PTPRD: variants seen among roughly 807,000 people sequenced by gnomAD.
PTPRD encodes the protein protein tyrosine phosphatase receptor type D, also known as receptor-type tyrosine-protein phosphatase delta.
PTPRD carries 34 observed loss-of-function variants against 214.5 expected under a neutral mutation model. That is an observed-to-expected ratio of 0.16 (90% CI 0.12 to 0.21). The LOEUF (loss-of-function observed/expected upper bound fraction) is 0.21. Ranked by LOEUF, PTPRD falls within the 10% of genes least tolerant of loss-of-function variation. The pLI is 1.00. For missense variants in PTPRD, 2,545 were observed against 2,398.7 expected, an observed-to-expected ratio of 1.06 and a Z score of -1.27; for synonymous variants, 1,128 against 845.7, an observed-to-expected ratio of 1.33 and a Z score of -5.79.
At chr9:10,547,310 GT>G (rs887500584) in intron 2 of PTPRD, among the ~76,000 whole-genome samples, 13 of 148,042 alleles carry the variant, frequency 8.8e-5, no homozygotes, top group African/African-American at 1.5e-4. Context: ...CTTACCAAGG[GT>G]TTTTTTTTTC....
intron 11 of PTPRD, among the ~76,000 whole-genome samples, chr9:8,932,234 C>T (rs923946772): frequency 2.0e-5 from 3 of 152,090 alleles, no homozygotes; most frequent in African/African-American, 7.2e-5. Flanking sequence ...CTCTCTAGTT[C>T]TTTTAATTGT....
chr9:9,636,418 C>T (rs922834529), intron 7 of PTPRD, among the ~76,000 whole-genome samples: 7 of 152,098 alleles, frequency 4.6e-5, no homozygotes, highest in African/African-American at 1.7e-4. Flanking sequence ...ATAGGAATTC[C>T]TTCACCTTTC....
intron 8 of PTPRD, among the ~76,000 whole-genome samples, chr9:9,450,316 A>G (rs2091788271): frequency 6.6e-6 from 1 of 151,870 alleles, no homozygotes; most frequent in Admixed American, 6.6e-5. Flanking sequence ...TGGTAGTTCT[A>G]CTTTTATTTC....
intron 3 of PTPRD, among the ~76,000 whole-genome samples, chr9:10,276,997 T>C (rs906592650): frequency 5.3e-5 from 8 of 152,274 alleles, no homozygotes; most frequent in African/African-American, 1.9e-4. Context: ...CCTCATGGCA[T>C]GTCCAAAGGC....
chr9:9,207,817 A>G (rs1215100140), intron 9 of PTPRD, among the ~76,000 whole-genome samples: 1 of 151,980 alleles, frequency 6.6e-6, no homozygotes, highest in East Asian at 1.9e-4. Flanking sequence ...ATTTCCATCA[A>G]TGGCAGGTTG....
intron 4 of PTPRD, among the ~76,000 whole-genome samples, chr9:9,985,632 G>C (rs2095683798): frequency 6.6e-6 from 1 of 151,918 alleles, no homozygotes; most frequent in Non-Finnish European, 1.5e-5. Flanking sequence ...TATTGTATTG[G>C]AGATTCTATA....
At chr9:8,503,143 G>A (rs2097451637) in intron 23 of PTPRD, among the ~76,000 whole-genome samples, 2 of 151,946 alleles carry the variant, frequency 1.3e-5, no homozygotes, top group Admixed American at 1.3e-4. Context: ...ATGCTTTAAA[G>A]AGGGAAAAAC....
intron 7 of PTPRD, among the ~76,000 whole-genome samples, chr9:9,720,748 C>T (rs1221719003): frequency 6.6e-6 from 1 of 152,028 alleles, no homozygotes; most frequent in Admixed American, 6.6e-5. Flanking sequence ...AACCTAAATG[C>T]CCATCAATGA....
At position 8,376,612 on chromosome 9, in the gene PTPRD, A is replaced by G; in HGVS notation, c.4501T>C (p.Tyr1501His). The change falls in exon 38 of 46, where the codon TAC becomes CAC. Residue 1501 changes from tyrosine (Y) to histidine (H), a missense_variant. Tyr to His is a moderately conservative substitution (Grantham distance 83). Transcript: ENST00000381196. ...GAAAAAGATGAAAAGCAAACCTTGTAAAGTGCAAATGTTCGAACACAATAT... is the reference window on the plus strand; with the variant it reads ...GAAAAAGATGAAAAGCAAACCTTGTGAAGTGCAAATGTTCGAACACAATAT... ...ATYCVRTFAL[Y>H]KNGSSEKREV... 1 of 1,612,858 alleles carries G rather than the reference A, an allele frequency of 6.2e-7. No individual in the cohort carries two copies. The highest frequency in any genetic ancestry group is 8.5e-7 in the Non-Finnish European group (1 of 1,179,154).
chr9:9,816,714 C>T (rs2048890359), intron 5 of PTPRD, among the ~76,000 whole-genome samples: 1 of 151,902 alleles, frequency 6.6e-6, no homozygotes, highest in African/African-American at 2.4e-5. Flanking sequence ...ATGCCTTACC[C>T]CAAAATATCA....
chr9:9,320,091 A>C (rs1437169489), intron 9 of PTPRD, among the ~76,000 whole-genome samples: 1 of 152,166 alleles, frequency 6.6e-6, no homozygotes, highest in Non-Finnish European at 1.5e-5. Context: ...ATAATGTTTT[A>C]TTTGAAACAG....
chr9:10,340,403 T>C (rs1442431023), intron 3 of PTPRD, among the ~76,000 whole-genome samples: 4 of 151,898 alleles, frequency 2.6e-5, no homozygotes, highest in Non-Finnish European at 5.9e-5. Context: ...ATGCACTGTA[T>C]CACACAGCTG....
chr9:10,227,467 G>A (rs1479568268), intron 3 of PTPRD, among the ~76,000 whole-genome samples: 1 of 151,724 alleles, frequency 6.6e-6, no homozygotes, highest in African/African-American at 2.4e-5. Flanking sequence ...ACTCTTTCGC[G>A]TGAAAACTTT....
At chr9:10,224,281 CAAAT>C (rs142376069) in intron 3 of PTPRD, among the ~76,000 whole-genome samples, 2,105 of 151,896 alleles carry the variant, frequency 0.014, 46 homozygotes, top group African/African-American at 0.048. Context: ...GCAGATTAGT[CAAAT>C]AAAGAGTTTA....
chr9:8,922,885 G>A (rs71507667), intron 11 of PTPRD, among the ~76,000 whole-genome samples: 15,764 of 150,016 alleles, frequency 0.11, 1,045 homozygotes, highest in South Asian at 0.18. Flanking sequence ...GGATGGTCTC[G>A]ATCTCCTGAC....
chr9:9,842,223 T>TG, intron 5 of PTPRD, among the ~76,000 whole-genome samples: 1 of 151,824 alleles, frequency 6.6e-6, no homozygotes, highest in East Asian at 1.9e-4. Context: ...AACACACTTA[T>TG]GGTTGTCTTT....
intron 10 of PTPRD, among the ~76,000 whole-genome samples, chr9:9,058,785 A>G (rs1028656421): frequency 1.3e-5 from 2 of 151,992 alleles, no homozygotes; most frequent in African/African-American, 4.8e-5. Context: ...AGAAAATCTT[A>G]AAGTTAGAGA....
intron 9 of PTPRD, among the ~76,000 whole-genome samples, chr9:9,298,258 TA>T (rs1953885241): frequency 1.3e-5 from 2 of 151,676 alleles, no homozygotes; most frequent in Admixed American, 6.6e-5. Context: ...TTTTATCTTT[TA>T]TTTTTTTTGG....
chr9:8,489,686 T>A (rs971316416), intron 27 of PTPRD, among the ~76,000 whole-genome samples: 1 of 152,050 alleles, frequency 6.6e-6, no homozygotes, highest in African/African-American at 2.4e-5. Flanking sequence ...TTTGGGACAG[T>A]TGTGGTATTT....
Sources: gnomAD v4.1 joint callset for allele counts (sites outside exome capture counted in the v4.1 genomes callset) on GRCh38, gnomAD v4.1.1 for gene constraint, MANE v1.5 for transcripts, NCBI Gene and HGNC (gene_info 2026-07-23, HGNC 2026-07-21) for gene names.